The following PCDHGB2 variants were observed in gnomAD, a reference collection of about 807,000 sequenced individuals.
The protein encoded by PCDHGB2 is protocadherin gamma-B2.
In PCDHGB2, 55 loss-of-function variants were observed where a neutral mutation model predicts 59.3. The ratio of observed to expected loss-of-function variants is 0.93; its 90% CI spans 0.75 to 1.16. The LOEUF (loss-of-function observed/expected upper bound fraction) is 1.16, where lower values mean the gene tolerates loss of function less well. Among genes scored for constraint, PCDHGB2 ranks in the 50% most tolerant of loss-of-function variants. The probability of loss-of-function intolerance (pLI) is 0.00; values close to 1 mark genes in which losing one functional copy is unlikely to be tolerated. For synonymous variants in PCDHGB2, 516 were observed against 512.0 expected (o/e 1.01, Z -0.11); for missense variants, 1,228 against 1,198.5 (o/e 1.02, Z -0.36).
At chr5:141,408,205 G>A (rs1222360149) in intron 1 of PCDHGB2, 2 of 1,551,762 alleles carry the variant, frequency 1.3e-6, no homozygotes, top group Non-Finnish European at 1.7e-6. Context: ...AGCGAACGAT[G>A]GGAGGGAGCT....
At chr5:141,414,099 A>G in intron 1 of PCDHGB2, 1 of 1,593,504 alleles carries the variant, frequency 6.3e-7, no homozygotes, top group Non-Finnish European at 8.5e-7. Flanking sequence ...TAAAAATATC[A>G]GAAAATCTAG....
At chr5:141,400,943 T>G (rs1253479872) in intron 1 of PCDHGB2, among the ~76,000 whole-genome samples, 1 of 152,260 alleles carries the variant, frequency 6.6e-6, no homozygotes, top group East Asian at 1.9e-4. Flanking sequence ...CTTTCTTCAC[T>G]GATTTCACTG....
Position 141,490,600 on chromosome 5 carries a change from T to G in PCDHGB2, c.2422-4207T>G. 6.2e-7 allele frequency: 1 copy of G among 1,614,164 alleles called. No homozygotes were observed. Among genetic ancestry groups the G allele is most frequent in the South Asian group, 1.1e-5 (1 of 91,072 alleles). ...AGATGTCAATGACAATGCACCCCGCTTCAACCAGCAGCTTTACACTGCTTA... is the reference window on the plus strand; with the variant it reads ...AGATGTCAATGACAATGCACCCCGCGTCAACCAGCAGCTTTACACTGCTTA... On this transcript the variant is annotated intron_variant, in intron 1 of 3. Coordinates refer to ENST00000522605, the MANE Select transcript of PCDHGB2 (RefSeq NM_018923.3). The surrounding 1 kb of genome is among the most constrained non-coding windows in gnomAD (Gnocchi z 5.4).
intron 1 of PCDHGB2, chr5:141,421,516 T>C (rs199973694): frequency 6.8e-6 from 11 of 1,614,064 alleles, no homozygotes; most frequent in Non-Finnish European, 9.3e-6. Context: ...GGAGGAGCTC[T>C]GTGAGACGGT....
At chr5:141,424,094 A>G (rs1036391991) in intron 1 of PCDHGB2, 11 of 864,422 alleles carry the variant, frequency 1.3e-5, no homozygotes, top group Non-Finnish European at 1.4e-5. Context: ...ATTATTTGCT[A>G]TTACTGCTAA....
rs774354989 is a variant in PCDHGB2, at chr5:141,361,134, C to T, written c.999C>T (p.Ile333=). ...GAGATCTAGCAGCCCACTGCAGTATCCAAGTTGAAATTCTTGATGACAACG... is the reference window on the plus strand; with the variant it reads ...GAGATCTAGCAGCCCACTGCAGTATTCAAGTTGAAATTCTTGATGACAACG... The part of the protein sequence containing the change: ...DPGDLAAHCS[I]QVEILDDNDC... Residue 333 remains isoleucine, a synonymous_variant, in exon 1 of 4, where the codon ATC becomes ATT. Coordinates refer to ENST00000522605, the MANE Select transcript of PCDHGB2 (RefSeq NM_018923.3). 4.3e-6 allele frequency: 7 copies of T among 1,613,918 alleles called. No homozygotes were observed. The highest frequency in any genetic ancestry group is 5.9e-6 in the Non-Finnish European group (7 of 1,179,874).
chr5:141,384,850 C>A, intron 1 of PCDHGB2: 1 of 1,613,646 alleles, frequency 6.2e-7, no homozygotes, highest in African/African-American at 1.3e-5. Context: ...GGACCACGGT[C>A]AGCCTCCTCT....
chr5:141,464,343 A>C (rs944042669), intron 1 of PCDHGB2, among the ~76,000 whole-genome samples: 7 of 151,212 alleles, frequency 4.6e-5, no homozygotes, highest in African/African-American at 1.5e-4. Context: ...ATGACTTGTC[A>C]TTTAGGTAGT....
chr5:141,423,264 C>T (rs1452323474), intron 1 of PCDHGB2: 6 of 1,613,868 alleles, frequency 3.7e-6, no homozygotes, highest in Non-Finnish European at 5.1e-6. Context: ...TCGGCAGCCT[C>T]GAGTCTCTGG....
rs776543767 is a variant in PCDHGB2 at position 141,432,028 on chromosome 5, C to G, written c.2422-62779C>G. The G allele has an allele frequency of 6.2e-7, 1 of 1,614,168 alleles. No homozygotes were observed. The highest frequency in any genetic ancestry group is 2.2e-5 in the East Asian group (1 of 44,882). On this transcript the variant is annotated intron_variant, in intron 1 of 3. Transcript: ENST00000522605. This position sits in a 1 kb window ranked among gnomAD's most constrained non-coding sequence, Gnocchi z 6.0. ...TTCCTAGCTACAACATCACAGTGAC[C>G]GCCACTGACCGGGGAACCCCGCCCC...
chr5:141,509,155 C>G (rs981661695), intron 3 of PCDHGB2, among the ~76,000 whole-genome samples: 3 of 152,202 alleles, frequency 2.0e-5, no homozygotes, highest in Non-Finnish European at 4.4e-5. Flanking sequence ...GCTCTCCCCT[C>G]CCGTGTGCCC....
intron 1 of PCDHGB2, chr5:141,414,817 A>C: frequency 6.2e-7 from 1 of 1,614,214 alleles, no homozygotes; most frequent in Non-Finnish European, 8.5e-7. Context: ...TCCACTCAGC[A>C]GCAACGTGTC....
In PCDHGB2 at chr5:141,410,160, C is replaced by T. The variant is rs767993789; in HGVS notation, c.2421+47604C>T. ...GCTGTGCGTGACGGTGGACAGCCGC[C>T]ACTCTCTGCCACCGCCACGCTTCAT... On this transcript the variant is annotated intron_variant, in intron 1 of 3. Transcript: ENST00000522605. 100 of 1,613,580 alleles carry T rather than the reference C, an allele frequency of 6.2e-5. No individual in the cohort carries two copies. In the Middle Eastern group the frequency reaches 2.1e-3, roughly 34 times the overall value.
intron 1 of PCDHGB2, among the ~76,000 whole-genome samples, chr5:141,474,143 TATC>T (rs1371874237): frequency 1.3e-5 from 2 of 152,188 alleles, no homozygotes; most frequent in Non-Finnish European, 2.9e-5. Context: ...CAGGCCTTAT[TATC>T]AAGAAAATGA....
At position 141,511,247 on chromosome 5, in the gene PCDHGB2, C is replaced by A; in HGVS notation, c.*74C>A. The A allele has an allele frequency of 1.3e-6, 2 of 1,577,162 alleles. No individual in the cohort carries two copies. The highest frequency in any genetic ancestry group is 1.7e-6 in the Non-Finnish European group (2 of 1,161,712). On this transcript the variant is annotated 3_prime_UTR_variant, in exon 4 of 4. Transcript: ENST00000522605. Reference sequence around the variant, plus strand: ...CAGCTTCTCCTTACCTGCACCCAGGCCTCAGAGTTTCAGGGCTAACCCCCA... The same window carrying A: ...CAGCTTCTCCTTACCTGCACCCAGGACTCAGAGTTTCAGGGCTAACCCCCA...
At chr5:141,387,725 C>A (rs986434485) in intron 1 of PCDHGB2, 2 of 1,183,102 alleles carry the variant, frequency 1.7e-6, no homozygotes, top group Non-Finnish European at 2.3e-6. Context: ...GACTCCCCAG[C>A]GCCAGCCTTT....
chr5:141,407,970 C>T, intron 1 of PCDHGB2: 2 of 716,252 alleles, frequency 2.8e-6, no homozygotes, highest in Non-Finnish European at 4.3e-6. Context: ...CAAGCGCTGA[C>T]GCCGGGGATC....
At chr5:141,409,808 G>C in intron 1 of PCDHGB2, 2 of 1,611,624 alleles carry the variant, frequency 1.2e-6, no homozygotes, top group East Asian at 2.2e-5. Context: ...GCAGGCCCGC[G>C]ACCACGGCTC....
At chr5:141,395,220 G>A (rs1331532806) in intron 1 of PCDHGB2, 1 of 1,611,732 alleles carries the variant, frequency 6.2e-7, no homozygotes, top group Non-Finnish European at 8.5e-7. Flanking sequence ...ATATAAGAAT[G>A]AAGCTGATCA....
Sources: gnomAD v4.1 joint callset for allele counts (sites outside exome capture counted in the v4.1 genomes callset) on GRCh38, gnomAD v4.1.1 for gene constraint, Gnocchi (gnomAD v3.1) non-coding constraint, MANE v1.5 for transcripts, NCBI Gene and HGNC (gene_info 2026-07-23, HGNC 2026-07-21) for gene names.